BCAS3: variants seen among roughly 807,000 people sequenced by gnomAD.
The protein encoded by BCAS3 is BCAS4/BCAS3 fusion.
In BCAS3, 53 loss-of-function variants were observed where a neutral mutation model predicts 116.1. That is an observed-to-expected ratio of 0.46 (90% CI 0.37 to 0.57). The LOEUF (loss-of-function observed/expected upper bound fraction) is 0.57. Ranked by LOEUF, BCAS3 falls within the 20% of genes least tolerant of loss-of-function variation. The pLI, the probability that BCAS3 is intolerant of heterozygous loss-of-function variation, is 0.00. For missense variants in BCAS3, 917 were observed against 1,165.4 expected, an observed-to-expected ratio of 0.79 and a Z score of 3.10; for synonymous variants, 391 against 408.2, an observed-to-expected ratio of 0.96 and a Z score of 0.51.
chr17:61,325,083 G>C lies in BCAS3; in HGVS notation c.2426-43244G>C, dbSNP rs1369732204. On this transcript the variant is annotated intron_variant, in intron 22 of 23. Coordinates refer to ENST00000407086, the MANE Select transcript of BCAS3 (RefSeq NM_017679.5). The surrounding 1 kb of genome is among the most constrained non-coding windows in gnomAD (Gnocchi z 6.4). ...CCATCCCACCATGCACAGTTAGCCT[G>C]GGCTTTAAAACCCCGCTCCCTCCAC... is the stretch of plus-strand genomic sequence containing the variant. Among the ~76,000 whole-genome samples, 1 of 152,110 alleles carries C rather than the reference G, an allele frequency of 6.6e-6. No individual in the cohort carries two copies. Among genetic ancestry groups the C allele is most frequent in the African/African-American group, 2.4e-5 (1 of 41,428 alleles).
rs527537379 is a variant in BCAS3, at chr17:61,021,854, A to G, written c.1637+5953A>G. Among the ~76,000 whole-genome samples the G allele has an allele frequency of 6.8e-4, 104 of 152,344 alleles. No homozygotes were observed. The Middle Eastern group carries it at 0.01, about 15-fold the overall frequency. On this transcript the variant is annotated intron_variant, in intron 16 of 23. Transcript: ENST00000407086. The surrounding 1 kb of genome is among the most constrained non-coding windows in gnomAD (Gnocchi z 4.6). ...AAGGTCTATTCCTTATTTTAATTCA[A>G]TTAGGTACACCTTGGCTCAGTTACA...
At chr17:61,000,483 ATAT>A (rs2064160976) in intron 15 of BCAS3, among the ~76,000 whole-genome samples, 1 of 151,890 alleles carries the variant, frequency 6.6e-6, no homozygotes, top group African/African-American at 2.4e-5. Context: ...TGGAATAATA[ATAT>A]TACCAATCTT....
chr17:61,368,578 CAT>C lies in BCAS3; in HGVS notation c.2593+87_2593+88del. ...GAGCTTCTCTGGAATCGTTTGTGGGCATATGTTTGTTTTTGCTGTTGGTTTCT... is the reference window on the plus strand; with the variant it reads ...GAGCTTCTCTGGAATCGTTTGTGGGCATGTTTGTTTTTGCTGTTGGTTTCT... On this transcript the variant is annotated intron_variant, in intron 23 of 23. Transcript: ENST00000407086. The surrounding 1 kb of genome is among the most constrained non-coding windows in gnomAD (Gnocchi z 6.0). 1 of 1,424,088 alleles carries C rather than the reference CAT, an allele frequency of 7.0e-7. No homozygotes were observed. The highest frequency in any genetic ancestry group is 1.4e-5 in the African/African-American group (1 of 70,454). 88.2% of individuals were successfully genotyped at this position (1,424,088 alleles called of 1,614,324 possible). A position where few individuals can be genotyped will look rare whatever the true frequency, so the allele number is the denominator to read the frequency against.
intron 22 of BCAS3, among the ~76,000 whole-genome samples, chr17:61,271,424 A>ATTTTGTTTTTTTTTTT (rs2050246036): frequency 1.4e-5 from 1 of 70,226 alleles, no homozygotes; most frequent in Non-Finnish European, 2.4e-5. Flanking sequence ...CCATGCCCGG[A>ATTTTGTTTTTTTTTTT]TTTTTTTTTT....
chr17:61,342,845 G>A (rs1356598966), intron 22 of BCAS3, among the ~76,000 whole-genome samples: 1 of 151,780 alleles, frequency 6.6e-6, no homozygotes, highest in African/African-American at 2.4e-5. Flanking sequence ...CGCCTCCTGG[G>A]TTCAAGTGAT....
chr17:60,921,455 T>G (rs1394867692), intron 12 of BCAS3, among the ~76,000 whole-genome samples: 1 of 151,220 alleles, frequency 6.6e-6, no homozygotes, highest in Non-Finnish European at 1.5e-5. Flanking sequence ...CTACTAAAAA[T>G]ACAAAAAATT....
Position 61,366,426 on chromosome 17 carries a change from G to GA in BCAS3, c.2426-1899dup, listed in dbSNP as rs200260370. On this transcript the variant is annotated intron_variant, in intron 22 of 23. Transcript: ENST00000407086. This position sits in a 1 kb window ranked among gnomAD's most constrained non-coding sequence, Gnocchi z 4.5. ...TGCATCATGCAGTGAGTCGGCAGCA[G>GA]AATCAGAAGCTTAGTGGATGTCAGC... Among the ~76,000 whole-genome samples the GA allele has an allele frequency of 9.6e-4, 147 of 152,378 alleles. No individual in the cohort carries two copies. The highest frequency in any genetic ancestry group is 3.1e-3 in the African/African-American group (129 of 41,592).
At chr17:60,737,661 T>C (rs1448901669) in intron 5 of BCAS3, among the ~76,000 whole-genome samples, 1 of 152,054 alleles carries the variant, frequency 6.6e-6, no homozygotes, top group Non-Finnish European at 1.5e-5. Context: ...CTATGTGCTA[T>C]TTAGAATTAT....
rs1478792647 is a variant in BCAS3, at chr17:61,315,275, C to T, written c.2426-53052C>T. On this transcript the variant is annotated intron_variant, in intron 22 of 23. Coordinates refer to ENST00000407086, the MANE Select transcript of BCAS3 (RefSeq NM_017679.5). This position sits in a 1 kb window ranked among gnomAD's most constrained non-coding sequence, Gnocchi z 5.3. ...GATTATAGGCGCCCACCACCACACC[C>T]GGCTAATTTTTGTATTTTTAGTAGA... 7.2e-5 allele frequency among the ~76,000 whole-genome samples: 11 copies of T among 152,056 alleles called. No individual in the cohort carries two copies. Among genetic ancestry groups the T allele is most frequent in the Admixed American group, 2.6e-4 (4 of 15,254 alleles).
intron 5 of BCAS3, among the ~76,000 whole-genome samples, chr17:60,734,768 T>C (rs1263529345): frequency 6.6e-6 from 1 of 152,260 alleles, no homozygotes; most frequent in Non-Finnish European, 1.5e-5. Flanking sequence ...ATCAGTGTTC[T>C]GACTTTGCTT....
chr17:60,726,444 C>A (rs1386042257), intron 5 of BCAS3, among the ~76,000 whole-genome samples: 27 of 148,130 alleles, frequency 1.8e-4, no homozygotes, highest in South Asian at 4.3e-4. Flanking sequence ...AGGTGATCTG[C>A]CCGCCTTGGC....
intron 8 of BCAS3, among the ~76,000 whole-genome samples, chr17:60,873,877 C>A (rs1234808332): frequency 6.8e-6 from 1 of 146,648 alleles, no homozygotes; most frequent in Non-Finnish European, 1.5e-5. Context: ...CTTTTTTTTT[C>A]ATTTCCTTTT....
intron 7 of BCAS3, among the ~76,000 whole-genome samples, chr17:60,850,378 A>ATTTTGTT (rs2053007622): frequency 2.9e-5 from 1 of 34,346 alleles, no homozygotes; most frequent in Non-Finnish European, 5.1e-5. Context: ...TTTTTTTGAG[A>ATTTTGTT]TGGAGTTTTT....
At chr17:61,001,291 G>GC (rs1184270829) in intron 15 of BCAS3, among the ~76,000 whole-genome samples, 17 of 151,972 alleles carry the variant, frequency 1.1e-4, no homozygotes, top group Admixed American at 5.9e-4. Context: ...TTTCTTTTTA[G>GC]CATCTGTATG....
rs753162953 is a variant in BCAS3 at position 60,807,995 on chromosome 17, T to A, written c.404-9T>A. 6.3e-7 allele frequency: 1 copy of A among 1,585,100 alleles called. No individual in the cohort carries two copies. The highest frequency in any genetic ancestry group is 8.6e-7 in the Non-Finnish European group (1 of 1,156,782). ...CAAAGCTTACAATTTATTTTATCCT[T>A]CCTGTCAGGTGCTCAAAAATGTGAT... On this transcript the variant is annotated splice_polypyrimidine_tract_variant and intron_variant, in intron 6 of 23. Coordinates refer to ENST00000407086, the MANE Select transcript of BCAS3 (RefSeq NM_017679.5).
chr17:60,957,919 C>T (rs997232185), intron 14 of BCAS3, among the ~76,000 whole-genome samples: 6 of 152,128 alleles, frequency 3.9e-5, no homozygotes, highest in African/African-American at 9.7e-5. Flanking sequence ...GCCAATATAG[C>T]GTTAAGAGCT....
intron 22 of BCAS3, among the ~76,000 whole-genome samples, chr17:61,116,330 A>G (rs1182760328): frequency 1.3e-5 from 2 of 152,156 alleles, no homozygotes; most frequent in Non-Finnish European, 2.9e-5. Context: ...CAATATATGT[A>G]TATTGCATTA....
At position 61,186,333 on chromosome 17, in the gene BCAS3, G is replaced by GT; in HGVS notation, c.2425+101773dup. On this transcript the variant is annotated intron_variant, in intron 22 of 23. Transcript: ENST00000407086. The surrounding 1 kb of genome is among the most constrained non-coding windows in gnomAD (Gnocchi z 4.9). The stretch of plus-strand genomic sequence containing the variant: ...AGTTATCCATCCCTATATCTTAGCT[G>GT]TTTTCACTAGTATATACGTATAAAT... Among the ~76,000 whole-genome samples, 3 of 152,192 alleles carry GT rather than the reference G, an allele frequency of 2.0e-5. No homozygotes were observed. The South Asian group carries it at 6.2e-4, about 32-fold the overall frequency.
rs2066457340 is a variant in BCAS3, at chr17:61,029,136, T to C, written c.1638-5530T>C. On this transcript the variant is annotated intron_variant, in intron 16 of 23. Transcript: ENST00000407086. The surrounding 1 kb of genome is among the most constrained non-coding windows in gnomAD (Gnocchi z 5.2). ...TATAGGGTAATATATGTATTTTGGA[T>C]GAAAAATGAAATTTTTAAATGAAAT... is the stretch of plus-strand genomic sequence containing the variant. 6.6e-6 allele frequency among the ~76,000 whole-genome samples: 1 copy of C among 151,994 alleles called. No homozygotes were observed. Among genetic ancestry groups the C allele is most frequent in the Non-Finnish European group, 1.5e-5 (1 of 67,868 alleles).
Sources: allele counts gnomAD v4.1 joint callset (sites outside exome capture counted in the v4.1 genomes callset), GRCh38; gene constraint gnomAD v4.1.1; non-coding constraint Gnocchi (gnomAD v3.1); transcripts MANE v1.5; gene names NCBI Gene and HGNC (gene_info 2026-07-23, HGNC 2026-07-21).